BBS1: variants seen among roughly 807,000 people sequenced by gnomAD.
The protein encoded by BBS1 is BBSome complex member BBS1.
Under a neutral mutation model 73.9 loss-of-function variants are expected in BBS1, and 60 were observed. That is an observed-to-expected ratio of 0.81 (90% confidence interval 0.66 to 1.01). The LOEUF (loss-of-function observed/expected upper bound fraction) is 1.01. BBS1 is among the 50% of genes least tolerant of loss of function. The pLI, the probability that BBS1 is intolerant of heterozygous loss-of-function variation, is 0.00. For missense variants in BBS1, 718 were observed against 770.3 expected, an observed-to-expected ratio of 0.93 and a Z score of 0.80; for synonymous variants, 283 against 317.4, an observed-to-expected ratio of 0.89 and a Z score of 1.15.
chr11:66,511,701 A>G (rs926582196), intron 3 of BBS1, among the ~76,000 whole-genome samples: 3 of 152,288 alleles, frequency 2.0e-5, no homozygotes, highest in East Asian at 1.9e-4. Flanking sequence ...AAAATTTTCC[A>G]TAGTAAAAAT....
rs775415053 is a variant in BBS1 at position 66,510,651 on chromosome 11, C to T, written c.-9C>T. The T allele has an allele frequency of 1.9e-6, 3 of 1,614,150 alleles. No individual in the cohort carries two copies. Among genetic ancestry groups the T allele is most frequent in the South Asian group, 2.2e-5 (2 of 91,090 alleles). On this transcript the variant is annotated 5_prime_UTR_variant, in exon 1 of 17. Transcript: ENST00000318312. Reference sequence around the variant, plus strand: ...GGCGGGGCCGGTTGCCAGGACGACGCCTGCGAAGATGGCCGCTGCGTCCTC... The same window carrying T: ...GGCGGGGCCGGTTGCCAGGACGACGTCTGCGAAGATGGCCGCTGCGTCCTC...
chr11:66,526,574 T>G, intron 12 of BBS1, 75 bp from the exon 13 acceptor site: 1 of 1,592,064 alleles, frequency 6.3e-7, no homozygotes, highest in Non-Finnish European at 8.6e-7. Flanking sequence ...GGAGGCAGAT[T>G]GTTTGGGGAA....
rs1426340811 is a variant in BBS1, at chr11:66,533,498, A to G, written c.*1461A>G. On this transcript the variant is annotated 3_prime_UTR_variant, in exon 17 of 17. Coordinates refer to ENST00000318312, the MANE Select transcript of BBS1 (RefSeq NM_024649.5). ...TTGTCAGCAACCCTCCCCCATCCCT[A>G]GTTATTAGGTTAAAAAATACTCAGA... 2 of 152,156 alleles carry G rather than the reference A, an allele frequency of 1.3e-5. No individual in the cohort carries two copies. The highest frequency in any genetic ancestry group is 4.8e-5 in the African/African-American group (2 of 41,430). The allele number at this position is 152,156 out of a possible 1,614,324, so 9.4% of individuals were successfully genotyped here.
intron 1 of BBS1, 118 bp downstream of exon 1, chr11:66,510,824 A>G (rs1855924201): frequency 1.3e-6 from 2 of 1,489,522 alleles, no homozygotes; most frequent in Non-Finnish European, 1.9e-6. Context: ...AAGAGGTCAG[A>G]TAGGGAAACC....
chr11:66,523,437 T>C lies in BBS1; in HGVS notation c.831-19T>C, dbSNP rs963070589. 7.4e-6 allele frequency: 12 copies of C among 1,613,838 alleles called. No homozygotes were observed. Among genetic ancestry groups the C allele is most frequent in the African/African-American group, 1.3e-5 (1 of 74,900 alleles). On this transcript the variant is annotated intron_variant, in intron 9 of 16. Coordinates refer to ENST00000318312, the MANE Select transcript of BBS1 (RefSeq NM_024649.5). ...AGAGGATTTCTCTGGGGCCAGACAG[T>C]GTGTTGTTTATTCCACAGAGACTCC...
At position 66,515,794 on chromosome 11, in the gene BBS1, T is replaced by C. The variant is rs373250064; in HGVS notation, c.518+63T>C. 5.3e-5 allele frequency: 86 copies of C among 1,613,944 alleles called. 1 individual carries two copies. In the South Asian group the frequency reaches 6.1e-4, roughly 12 times the overall value. On this transcript the variant is annotated intron_variant, in intron 6 of 16. Transcript: ENST00000318312. ...CAGGGAGAGGAAGCAGCCGCCAGAA[T>C]GTGCCAGAATGATGGAGGAGGGCAG...
In BBS1 at chr11:66,523,906, CCACT is replaced by C. The variant is rs752791584; in HGVS notation, c.1110+30_1110+33del. 437 of 1,611,696 alleles carry C rather than the reference CCACT, an allele frequency of 2.7e-4. 4 individuals carry two copies. The highest frequency in any genetic ancestry group is 2.1e-3 in the South Asian group (190 of 91,086). Reference sequence around the variant, plus strand: ...CGGTGAGCCCCATCTCCGGCATCTGCCACTCACTCCTCCTTGCCCTCGTCTCACC... The same window carrying C: ...CGGTGAGCCCCATCTCCGGCATCTGCCACTCCTCCTTGCCCTCGTCTCACC... On this transcript the variant is annotated intron_variant, in intron 11 of 16. Coordinates refer to ENST00000318312, the MANE Select transcript of BBS1 (RefSeq NM_024649.5).
In BBS1 at chr11:66,519,732, TCAC is replaced by T. The variant is rs1292774445; in HGVS notation, c.710_712del (p.Thr237del). 1 of 1,613,492 alleles carries T rather than the reference TCAC, an allele frequency of 6.2e-7. No individual in the cohort carries two copies. On this transcript the variant is annotated inframe_deletion, in exon 8 of 17. Coordinates refer to ENST00000318312, the MANE Select transcript of BBS1 (RefSeq NM_024649.5). ...CTCCTGGTGCTTGACCCCGAGGCCT[TCAC>T]CATTTTAGCCAAGGTCAGCGTCAGG...
chr11:66,531,151 G>A, intron 15 of BBS1, 123 bp downstream of exon 15: 1 of 1,376,032 alleles, frequency 7.3e-7, no homozygotes, highest in Non-Finnish European at 1.0e-6. Flanking sequence ...GTGGCCAGCA[G>A]ACCTACTCTC....
At chr11:66,522,998 G>T (rs752628318) in intron 9 of BBS1, 10 of 379,756 alleles carry the variant, frequency 2.6e-5, no homozygotes, top group Non-Finnish European at 4.7e-5. Context: ...GAATAGAGAG[G>T]AACTAACTGT....
chr11:66,519,115 T>C (rs1856123136), intron 7 of BBS1, among the ~76,000 whole-genome samples: 1 of 152,172 alleles, frequency 6.6e-6, no homozygotes, highest in Non-Finnish European at 1.5e-5. Context: ...CCGGGCATGG[T>C]GGCTCATGCA....
Position 66,510,959 on chromosome 11 carries a change from T to G in BBS1, c.48-54T>G, listed in dbSNP as rs1045528906. 4.4e-6 allele frequency: 7 copies of G among 1,595,072 alleles called. No individual in the cohort carries two copies. In the Admixed American group the frequency reaches 1.0e-4, roughly 23 times the overall value. On this transcript the variant is annotated intron_variant, in intron 1 of 16. Coordinates refer to ENST00000318312, the MANE Select transcript of BBS1 (RefSeq NM_024649.5). Reference sequence around the variant, plus strand: ...GACCTGTACCAGCTTCCTCAAAGTTTTTTTTTCCCCTCCCATGGGACTCAC... The same window carrying G: ...GACCTGTACCAGCTTCCTCAAAGTTGTTTTTTCCCCTCCCATGGGACTCAC...
rs1856511238 is a variant in BBS1, at chr11:66,526,645, C to A, written c.1181-4C>A. 6.2e-7 allele frequency: 1 copy of A among 1,614,162 alleles called. No homozygotes were observed. The highest frequency in any genetic ancestry group is 8.5e-7 in the Non-Finnish European group (1 of 1,180,028). On this transcript the variant is annotated splice_polypyrimidine_tract_variant and splice_region_variant and intron_variant, in intron 12 of 16. Transcript: ENST00000318312. ...AAATCCATTTCCACTGTCCACTTCC[C>A]TAGGTGGTGGCCTGATCATCAAGAT...
At chr11:66,522,515 T>G (rs1177704919) in intron 9 of BBS1, among the ~76,000 whole-genome samples, 1 of 151,760 alleles carries the variant, frequency 6.6e-6, no homozygotes, top group Non-Finnish European at 1.5e-5. Flanking sequence ...ACCCAGCTAA[T>G]TTTTGTATTT....
rs58149913 is a variant in BBS1, at chr11:66,523,361, C to T, written c.831-95C>T. The T allele has an allele frequency of 3.7e-3, 5,827 of 1,567,806 alleles. 187 individuals are homozygous for T. The African/African-American group carries it at 0.069, about 19-fold the overall frequency. On this transcript the variant is annotated intron_variant, in intron 9 of 16. Coordinates refer to ENST00000318312, the MANE Select transcript of BBS1 (RefSeq NM_024649.5). The stretch of plus-strand genomic sequence containing the variant: ...CATCTGCTTTGGGGCCAGTGTTCCT[C>T]CCAGGTGAGTCCATGAGGTTTAGAC...
intron 8 of BBS1, 62 bp downstream of exon 8, chr11:66,519,810 C>A: frequency 1.3e-6 from 2 of 1,597,536 alleles, no homozygotes; most frequent in South Asian, 2.2e-5. Context: ...TCCCCATGCT[C>A]CACAGTTAGT....
chr11:66,528,822 G>A (rs1029571668), intron 13 of BBS1, among the ~76,000 whole-genome samples: 3 of 152,102 alleles, frequency 2.0e-5, no homozygotes, highest in Admixed American at 2.0e-4. Context: ...CAAAAAATTA[G>A]CCAGGCTTGG....
chr11:66,518,068 C>T (rs1005896004), intron 7 of BBS1, among the ~76,000 whole-genome samples: 4 of 151,560 alleles, frequency 2.6e-5, no homozygotes, highest in Non-Finnish European at 5.9e-5. Flanking sequence ...AGCGATTCTC[C>T]TGCCGCAGCC....
At chr11:66,530,095 G>C in intron 14 of BBS1, 143 bp downstream of exon 14, 3 of 1,229,282 alleles carry the variant, frequency 2.4e-6, no homozygotes, top group Non-Finnish European at 3.4e-6. Context: ...CGCAGACCTG[G>C]GGACCGAGTC....
Sources: gnomAD v4.1 joint callset for allele counts (sites outside exome capture counted in the v4.1 genomes callset) on GRCh38, gnomAD v4.1.1 for gene constraint, MANE v1.5 for transcripts, NCBI Gene and HGNC (gene_info 2026-07-23, HGNC 2026-07-21) for gene names.